Variants in MRPL39 observed in about 807,000 individuals in gnomAD.
The protein encoded by MRPL39 is large ribosomal subunit protein mL39.
Under a neutral mutation model 44.5 loss-of-function variants are expected in MRPL39, and 35 were observed. The ratio of observed to expected loss-of-function variants is 0.79; its 90% CI spans 0.60 to 1.04. MRPL39 has a LOEUF of 1.04. Among genes scored for constraint, MRPL39 ranks in the 50% least tolerant of loss-of-function variants. The probability of loss-of-function intolerance (pLI) is 0.00; values close to 1 mark genes in which losing one functional copy is unlikely to be tolerated. For synonymous variants in MRPL39, 139 were observed against 136.1 expected (o/e 1.02, Z -0.15); for missense variants, 433 against 413.5 (o/e 1.05, Z -0.41).
At chr21:25,593,088 CA>C in intron 7 of MRPL39, 123 bp from the exon 8 acceptor site, 2 of 816,360 alleles carry the variant, frequency 2.4e-6, no homozygotes, top group Non-Finnish European at 3.6e-6. Flanking sequence ...ATATATGGTT[CA>C]ATTCAGTTTC....
intron 3 of MRPL39, among the ~76,000 whole-genome samples, chr21:25,602,400 C>T (rs2031547847): frequency 6.6e-6 from 1 of 151,882 alleles, no homozygotes; most frequent in South Asian, 2.1e-4. Flanking sequence ...AGCACGAACT[C>T]ACAGAGTTTG....
At chr21:25,597,450 C>T (rs749026427) in intron 5 of MRPL39, 36 bp from the exon 6 acceptor site, 2 of 1,196,752 alleles carry the variant, frequency 1.7e-6, no homozygotes, top group Non-Finnish European at 2.4e-6. Flanking sequence ...AGTAACAATT[C>T]ACTGAAAAGC....
chr21:25,590,382 TAA>T (rs57382759), intron 8 of MRPL39, among the ~76,000 whole-genome samples: 27 of 137,934 alleles, frequency 2.0e-4, no homozygotes, highest in African/African-American at 5.2e-4. Context: ...GCTAATGAGC[TAA>T]AAAAAAAAAA....
chr21:25,595,722 T>C (rs781010560), intron 6 of MRPL39, among the ~76,000 whole-genome samples: 13 of 152,242 alleles, frequency 8.5e-5, no homozygotes, highest in Admixed American at 7.2e-4. Context: ...AGATGTATCA[T>C]TTAAATAAAA....
upstream of MRPL39, chr21:25,607,494 C>T (rs773474742): frequency 5.6e-6 from 9 of 1,608,704 alleles, no homozygotes; most frequent in Admixed American, 6.7e-5. Flanking sequence ...TGAGAACCGT[C>T]GCGCGCAAGT....
chr21:25,593,014 G>GT, intron 7 of MRPL39, 49 bp from the exon 8 acceptor site: 1 of 1,467,870 alleles, frequency 6.8e-7, no homozygotes, highest in Non-Finnish European at 9.2e-7. Context: ...CAAATAATTT[G>GT]TAAGAGCTTG....
In MRPL39 at chr21:25,590,701, C is replaced by G. The variant is rs11909086; in HGVS notation, c.922-1819G>C. Among the ~76,000 whole-genome samples the G allele has an allele frequency of 4.2e-3, 637 of 152,306 alleles. 5 individuals are homozygous for G. Among genetic ancestry groups the G allele is most frequent in the African/African-American group, 0.014 (594 of 41,570 alleles). On this transcript the variant is annotated intron_variant, in intron 8 of 9. Transcript: ENST00000352957. ...CCTCAACATATTAAAGATGTCAATT[C>G]TCCCCAAACTGCTATACAGGTCTAA...
At position 25,606,586 on chromosome 21, in the gene MRPL39, A is replaced by C. The variant is rs767706254; in HGVS notation, c.143T>G (p.Phe48Cys). 6.2e-7 allele frequency: 1 copy of C among 1,614,028 alleles called. No individual in the cohort carries two copies. The change falls in exon 2 of 10, where the codon TTT (phenylalanine) becomes TGT (cysteine). Residue 48 changes from phenylalanine (F) to cysteine (C), a missense_variant. Physicochemically the swap from Phe to Cys is radical, Grantham distance 205 (BLOSUM62 -2). Coordinates refer to ENST00000352957, the MANE Select transcript of MRPL39 (RefSeq NM_017446.4). ...TAACTGCCTGGCTTTCTCTTTATTA[A>C]AGAGATCATTCCGCATTTCTGTCAA... is the stretch of plus-strand genomic sequence containing the variant. ...TELTEMRNDL[F>C]NKEKARQLSL...
At chr21:25,604,068 T>C (rs2031598052) in intron 2 of MRPL39, 133 bp from the exon 3 acceptor site, 1 of 818,736 alleles carries the variant, frequency 1.2e-6, no homozygotes, top group African/African-American at 1.8e-5. Flanking sequence ...AAAAAAAGTA[T>C]ATTACGTCTA....
chr21:25,607,523 C>A (rs1438632154), upstream of MRPL39: 4 of 1,590,990 alleles, frequency 2.5e-6, no homozygotes, highest in Non-Finnish European at 8.5e-7. Flanking sequence ...GCCCTCCTCC[C>A]CCGGAAACCG....
chr21:25,607,114 C>CAGAT (rs2031702818), intron 1 of MRPL39, among the ~76,000 whole-genome samples: 1 of 152,248 alleles, frequency 6.6e-6, no homozygotes, highest in Non-Finnish European at 1.5e-5. Flanking sequence ...AAGACATGGA[C>CAGAT]AGATGTGCAC....
chr21:25,603,776 G>T lies in MRPL39; in HGVS notation c.420+20C>A. 1 of 1,588,024 alleles carries T rather than the reference G, an allele frequency of 6.3e-7. No individual in the cohort carries two copies. Among genetic ancestry groups the T allele is most frequent in the South Asian group, 1.1e-5 (1 of 87,610 alleles). On this transcript the variant is annotated intron_variant, in intron 3 of 9. Coordinates refer to ENST00000352957, the MANE Select transcript of MRPL39 (RefSeq NM_017446.4). ...TGAAGATACTGGGGAAATAGAAAAAGAATGTAGAGATAGAAATACCTTATT... is the reference window on the plus strand; with the variant it reads ...TGAAGATACTGGGGAAATAGAAAAATAATGTAGAGATAGAAATACCTTATT...
chr21:25,607,164 C>CCCGCGGCCTGGCT (rs1476759801), intron 1 of MRPL39, among the ~76,000 whole-genome samples: 5 of 152,248 alleles, frequency 3.3e-5, no homozygotes, highest in Admixed American at 3.3e-4. Flanking sequence ...CCAAGCTCCT[C>CCCGCGGCCTGGCT]CCGCGGCCTG....
chr21:25,606,797 C>G (rs1248671970), intron 1 of MRPL39, 142 bp from the exon 2 acceptor site: 1 of 644,416 alleles, frequency 1.6e-6, no homozygotes, highest in Non-Finnish European at 2.6e-6. Flanking sequence ...ATACGTGCCT[C>G]TACTTTTAAA....
intron 6 of MRPL39, among the ~76,000 whole-genome samples, chr21:25,595,273 C>A (rs2829816): frequency 6.6e-6 from 1 of 151,920 alleles, no homozygotes. Context: ...GTGCCAATTC[C>A]CTTGAATACT....
At chr21:25,607,575 C>G (rs894106250), upstream of MRPL39, 12 of 1,252,052 alleles carry the variant, frequency 9.6e-6, no homozygotes, top group Admixed American at 2.1e-4. Context: ...TGTTCCGGAC[C>G]CAGCACTCAG....
At chr21:25,598,192 C>G (rs1470157577) in intron 5 of MRPL39, among the ~76,000 whole-genome samples, 1 of 151,994 alleles carries the variant, frequency 6.6e-6, no homozygotes, top group Non-Finnish European at 1.5e-5. Context: ...TTTAATACAA[C>G]TATTCCTTCA....
chr21:25,607,547 A>C (rs2031732597), upstream of MRPL39: 3 of 1,505,062 alleles, frequency 2.0e-6, no homozygotes. Flanking sequence ...GCGCACTCGG[A>C]GTTCCGCAGG....
At chr21:25,597,498 T>C in intron 5 of MRPL39, 84 bp from the exon 6 acceptor site, 1 of 683,192 alleles carries the variant, frequency 1.5e-6, no homozygotes, top group Non-Finnish European at 2.4e-6. Flanking sequence ...ACTCTATGCT[T>C]AGTACTGCAA....
Sources: allele counts gnomAD v4.1 joint callset (sites outside exome capture counted in the v4.1 genomes callset), GRCh38; gene constraint gnomAD v4.1.1; transcripts MANE v1.5; gene names NCBI Gene and HGNC (gene_info 2026-07-23, HGNC 2026-07-21).